Variants in ZNF205 observed in about 807,000 individuals in gnomAD.
ZNF205 encodes the protein transcriptional repressor RHIT.
A neutral mutation model predicts 53.6 loss-of-function variants in ZNF205; 32 were observed. The ratio of observed to expected loss-of-function variants is 0.60; its 90% CI spans 0.45 to 0.80. The LOEUF is 0.80. ZNF205 is among the 30% of genes least tolerant of loss of function. The pLI is 0.00. For synonymous variants in ZNF205, 382 were observed against 334.3 expected (o/e 1.14, Z -1.56); for missense variants, 836 against 782.4 (o/e 1.07, Z -0.82).
rs1957380551 is a variant in ZNF205, at chr16:3,118,908, T to C, written c.488T>C (p.Phe163Ser). Residue 163 changes from phenylalanine (F) to serine (S), a missense_variant, in exon 6 of 7, where the codon TTT (phenylalanine) becomes TCT (serine). Transcript: ENST00000219091. The stretch of plus-strand genomic sequence containing the variant: ...CACAGCATCTCTTTCTGGGCAGGCT[T>C]TCCCTTCAGCAGGCCTTTCTGGGCC... ...LQKKNGLSLG[F>S]PFSRPFWAPQ... The C allele has an allele frequency of 6.2e-7, 1 of 1,613,118 alleles. No individual in the cohort carries two copies. Among genetic ancestry groups the C allele is most frequent in the Non-Finnish European group, 8.5e-7 (1 of 1,179,806 alleles).
rs181976702 is a variant in ZNF205 at position 3,116,229 on chromosome 16, A to T, written c.364-198A>T. 3.8e-4 allele frequency: 284 copies of T among 739,928 alleles called. 4 individuals carry two copies. In the Middle Eastern group the frequency reaches 4.4e-3, roughly 11 times the overall value. 45.8% of individuals were successfully genotyped at this position (739,928 alleles called of 1,614,324 possible). Reference sequence around the variant, plus strand: ...AGTCTTAACTGTGATCCCTGAAAATACCTCTTGGTCTTTGTTCTTTCTCAA... The same window carrying T: ...AGTCTTAACTGTGATCCCTGAAAATTCCTCTTGGTCTTTGTTCTTTCTCAA... On this transcript the variant is annotated intron_variant, in intron 4 of 6. Coordinates refer to ENST00000219091, the MANE Select transcript of ZNF205 (RefSeq NM_001042428.2).
At chr16:3,116,243 G>A (rs534779589) in intron 4 of ZNF205, 184 bp from the exon 5 acceptor site, 1 of 809,606 alleles carries the variant, frequency 1.2e-6, no homozygotes, top group African/African-American at 1.7e-5. Context: ...CTTGGTCTTT[G>A]TTCTTTCTCA....
At chr16:3,119,084 G>A in intron 6 of ZNF205, 69 bp downstream of exon 6, 1 of 1,573,872 alleles carries the variant, frequency 6.4e-7, no homozygotes, top group Non-Finnish European at 8.6e-7. Context: ...GCTGTTGTCT[G>A]TGGGAGTGGG....
chr16:3,113,407 T>C lies in ZNF205; in HGVS notation c.-14-10T>C. The C allele has an allele frequency of 6.2e-7, 1 of 1,612,214 alleles. No homozygotes were observed. The highest frequency in any genetic ancestry group is 1.1e-5 in the South Asian group (1 of 90,728). ...AAAAGAGGGAGAAACAACTCAGCTGTTCTTTCTAGCTCTGAAATAGAAAAT... is the reference window on the plus strand; with the variant it reads ...AAAAGAGGGAGAAACAACTCAGCTGCTCTTTCTAGCTCTGAAATAGAAAAT... On this transcript the variant is annotated splice_polypyrimidine_tract_variant and intron_variant, in intron 1 of 6. Transcript: ENST00000219091.
In ZNF205 at chr16:3,120,514, T is replaced by C; in HGVS notation, c.*189T>C. 1 of 709,406 alleles carries C rather than the reference T, an allele frequency of 1.4e-6. No individual in the cohort carries two copies. The highest frequency in any genetic ancestry group is 2.3e-6 in the Non-Finnish European group (1 of 442,544). 43.9% of individuals were successfully genotyped at this position (709,406 alleles called of 1,614,324 possible). A position where few individuals can be genotyped will look rare whatever the true frequency, so the allele number is the denominator to read the frequency against. ...CTCTGCGAATTAAAGGCCTTGGACTTGAAGCGCCCGCCTACACAGCTTTGT... is the reference window on the plus strand; with the variant it reads ...CTCTGCGAATTAAAGGCCTTGGACTCGAAGCGCCCGCCTACACAGCTTTGT... On this transcript the variant is annotated 3_prime_UTR_variant, in exon 7 of 7. Coordinates refer to ENST00000219091, the MANE Select transcript of ZNF205 (RefSeq NM_001042428.2).
At chr16:3,118,024 T>A (rs1294591300) in intron 5 of ZNF205, among the ~76,000 whole-genome samples, 2 of 137,298 alleles carry the variant, frequency 1.5e-5, no homozygotes, top group Non-Finnish European at 3.2e-5. Flanking sequence ...TTTTTTTTTT[T>A]TTTTTTTTTT....
intron 6 of ZNF205, 80 bp from the exon 7 acceptor site, chr16:3,119,176 A>T (rs1438884228): frequency 6.6e-7 from 1 of 1,513,224 alleles, no homozygotes; most frequent in East Asian, 2.3e-5. Flanking sequence ...TCCAGCCCCC[A>T]CCCTTAGCTC....
intron 2 of ZNF205, 121 bp downstream of exon 2, chr16:3,113,608 A>G: frequency 2.7e-6 from 3 of 1,091,380 alleles, no homozygotes; most frequent in Non-Finnish European, 4.0e-6. Context: ...GAGATCAAAG[A>G]GAAGGTGGCA....
At chr16:3,115,328 G>C (rs749087621) in intron 2 of ZNF205, 27 bp from the exon 3 acceptor site, 32 of 1,524,980 alleles carry the variant, frequency 2.1e-5, no homozygotes, top group Admixed American at 4.2e-5. Flanking sequence ...CCACTCATCT[G>C]GGTGCTGATG....
At chr16:3,118,771 T>G in intron 5 of ZNF205, 134 bp from the exon 6 acceptor site, 1 of 972,064 alleles carries the variant, frequency 1.0e-6, no homozygotes, top group Middle Eastern at 2.3e-4. Context: ...GGGGGCCTTC[T>G]TGAAACTGCT....
At chr16:3,114,364 C>T (rs923824029) in intron 2 of ZNF205, among the ~76,000 whole-genome samples, 1 of 152,204 alleles carries the variant, frequency 6.6e-6, no homozygotes, top group Non-Finnish European at 1.5e-5. Context: ...CCATTCTGTG[C>T]AGGGGCAGAG....
chr16:3,119,188 G>C, intron 6 of ZNF205, 68 bp from the exon 7 acceptor site: 1 of 1,522,202 alleles, frequency 6.6e-7, no homozygotes, highest in Non-Finnish European at 8.8e-7. Flanking sequence ...CCTTAGCTCT[G>C]CCTTCTCCAC....
Position 3,117,876 on chromosome 16 carries a change from T to G in ZNF205, c.485-1029T>G, listed in dbSNP as rs961216894. ...GCTTTTTTTTTTTTTTGAGACGGAG[T>G]CTTGCTCTGTCACCCAGGCTGGAGT... On this transcript the variant is annotated intron_variant, in intron 5 of 6. Transcript: ENST00000219091. Among the ~76,000 whole-genome samples the G allele has an allele frequency of 8.9e-4, 121 of 136,440 alleles. 1 individual carries two copies. The highest frequency in any genetic ancestry group is 2.9e-4 in the Non-Finnish European group (18 of 62,276). The allele number at this position is 136,440 out of a possible 152,430, so 89.5% of individuals were successfully genotyped here.
In ZNF205 at chr16:3,119,740, C is replaced by T. The variant is rs1957397612; in HGVS notation, c.1080C>T (p.Gly360=). ...HLIQHQIIHT[G]EKPYTCPACR... is the part of the protein sequence containing the mutation. ...TCCAGCACCAGATCATCCACACGGG[C>T]GAGAAGCCCTACACCTGCCCCGCCT... Residue 360 remains glycine, a synonymous_variant, in exon 7 of 7, where the codon GGC becomes GGT. Transcript: ENST00000219091. The T allele has an allele frequency of 1.9e-6, 3 of 1,613,604 alleles. No individual in the cohort carries two copies. Among genetic ancestry groups the T allele is most frequent in the African/African-American group, 1.3e-5 (1 of 74,876 alleles).
intron 1 of ZNF205, chr16:3,112,986 A>G (rs951700349): frequency 2.9e-5 from 6 of 207,300 alleles, no homozygotes; most frequent in Non-Finnish European, 4.8e-5. Flanking sequence ...GGGTCGGGGG[A>G]CAGCAGGTCC....
intron 2 of ZNF205, among the ~76,000 whole-genome samples, chr16:3,114,259 C>T (rs1431048931): frequency 3.9e-5 from 6 of 152,046 alleles, no homozygotes; most frequent in African/African-American, 9.7e-5. Context: ...GTGCGCACGG[C>T]GGGGGGGATT....
rs756643431 is a variant in ZNF205, at chr16:3,116,452, C to T, written c.389C>T (p.Ala130Val). ...ATGCCAGTGACTTTCGAGGATGTGG[C>T]CTTGTACCTCTCCCGGGAGGAGTGG... is the stretch of plus-strand genomic sequence containing the variant. ...SQMPVTFEDV[A>V]LYLSREEWGR... Residue 130 changes from alanine (A) to valine (V), a missense_variant, in exon 5 of 7, where the codon GCC becomes GTC. Physicochemically the swap from Ala to Val is moderately conservative, Grantham distance 64. Coordinates refer to ENST00000219091, the MANE Select transcript of ZNF205 (RefSeq NM_001042428.2). 1 of 1,614,074 alleles carries T rather than the reference C, an allele frequency of 6.2e-7. No individual in the cohort carries two copies. Among genetic ancestry groups the T allele is most frequent in the Non-Finnish European group, 8.5e-7 (1 of 1,180,030 alleles).
chr16:3,119,036 T>C, intron 6 of ZNF205, 21 bp downstream of exon 6: 1 of 1,607,824 alleles, frequency 6.2e-7, no homozygotes. Flanking sequence ...GGCGCGCGCC[T>C]TTGTCTGCGG....
In ZNF205 at chr16:3,115,861, CGAGAGGGGAG is replaced by C; in HGVS notation, c.307_316del (p.Glu103ProfsTer19). 6.2e-7 allele frequency: 1 copy of C among 1,614,066 alleles called. No homozygotes were observed. On this transcript the variant is annotated frameshift_variant, in exon 4 of 7. Transcript: ENST00000219091. LOFTEE classifies it high-confidence loss of function. ...CTCCCCCCGGATCCCCGTGCTTTCC[CGAGAGGGGAG>C]GACCAGAGACCGGCAGATGGCTGCA...
Sources: gnomAD v4.1 joint callset for allele counts (sites outside exome capture counted in the v4.1 genomes callset) on GRCh38, gnomAD v4.1.1 for gene constraint, MANE v1.5 for transcripts, NCBI Gene and HGNC (gene_info 2026-07-23, HGNC 2026-07-21) for gene names.